KCNG3: variants seen among roughly 807,000 people sequenced by gnomAD.
KCNG3 encodes voltage-gated potassium channel regulatory subunit KCNG3.
KCNG3 carries 15 observed loss-of-function variants against 29.0 expected under a neutral mutation model. The observed-to-expected ratio is 0.52, with a 90% CI of 0.35 to 0.80. The LOEUF (loss-of-function observed/expected upper bound fraction) is 0.80. Among genes scored for constraint, KCNG3 ranks in the 30% least tolerant of loss-of-function variants. The pLI is 0.01. For synonymous variants in KCNG3, 322 were observed against 248.9 expected (o/e 1.29, Z -2.76); for missense variants, 512 against 605.7 (o/e 0.85, Z 1.62).
chr2:42,425,949 T>C, the KCNG3 span, among the ~76,000 whole-genome samples: 1 of 152,242 alleles, frequency 6.6e-6, no homozygotes, highest in Non-Finnish European at 1.5e-5. Context: ...ACGCAATAGA[T>C]AGTAGCATGT....
At chr2:42,455,201 G>C (rs577400231) in intron 1 of KCNG3, among the ~76,000 whole-genome samples, 8 of 152,022 alleles carry the variant, frequency 5.3e-5, no homozygotes, top group Non-Finnish European at 1.2e-4. Context: ...TGTTGCTCAG[G>C]CTGGTCTCAA....
intron 1 of KCNG3, among the ~76,000 whole-genome samples, chr2:42,467,626 C>T (rs1673173142): frequency 1.3e-5 from 2 of 151,432 alleles, no homozygotes; most frequent in African/African-American, 4.9e-5. Flanking sequence ...TGAGATCATG[C>T]CACTGCACTC....
In KCNG3 at chr2:42,474,034, C is replaced by G. The variant is rs559512087; in HGVS notation, c.665+18803G>C. ...GGGTGTGGTGGTACACACCTGCAGT[C>G]CCAGCTACTTGGGAGGCTGAGGCAG... On this transcript the variant is annotated intron_variant, in intron 1 of 1. Coordinates refer to ENST00000306078, the MANE Select transcript of KCNG3 (RefSeq NM_133329.6). Among the ~76,000 whole-genome samples, 23 of 151,712 alleles carry G rather than the reference C, an allele frequency of 1.5e-4. No homozygotes were observed. The East Asian group carries it at 3.3e-3, about 22-fold the overall frequency.
At chr2:42,403,445 T>C in the KCNG3 span, among the ~76,000 whole-genome samples, 1 of 149,818 alleles carries the variant, frequency 6.7e-6, no homozygotes, top group East Asian at 2.0e-4. Flanking sequence ...ACCTGGCTTA[T>C]TGTTTCTGTT....
At chr2:42,419,426 G>C in the KCNG3 span, among the ~76,000 whole-genome samples, 8 of 151,668 alleles carry the variant, frequency 5.3e-5, no homozygotes, top group African/African-American at 1.9e-4. Context: ...TTTAGTTAAA[G>C]AGATGGGGTT....
At chr2:42,401,537 G>A in the KCNG3 span, among the ~76,000 whole-genome samples, 3 of 151,950 alleles carry the variant, frequency 2.0e-5, no homozygotes, top group Non-Finnish European at 4.4e-5. Context: ...AACCTCCTGG[G>A]CTCAAGCGAT....
intron 1 of KCNG3, among the ~76,000 whole-genome samples, chr2:42,489,336 G>A (rs1673814565): frequency 6.6e-6 from 1 of 152,098 alleles, no homozygotes. Context: ...GCTGCAGTGG[G>A]CTTGATCGCA....
At chr2:42,414,065 T>A in the KCNG3 span, among the ~76,000 whole-genome samples, 1 of 152,242 alleles carries the variant, frequency 6.6e-6, no homozygotes, top group Admixed American at 6.5e-5. Context: ...AATGTAATTA[T>A]CAGCTTGCCT....
intron 1 of KCNG3, among the ~76,000 whole-genome samples, chr2:42,474,785 T>G (rs546690012): frequency 6.6e-6 from 1 of 152,324 alleles, no homozygotes. Flanking sequence ...AAATTTTTGT[T>G]GTAAAACAAA....
chr2:42,433,283 ATGG>A, the KCNG3 span, among the ~76,000 whole-genome samples: 3 of 152,358 alleles, frequency 2.0e-5, no homozygotes, highest in South Asian at 6.2e-4. Flanking sequence ...AACAAGTATG[ATGG>A]TTAATTTTAG....
At chr2:42,465,477 A>G (rs1673120437) in intron 1 of KCNG3, among the ~76,000 whole-genome samples, 1 of 152,158 alleles carries the variant, frequency 6.6e-6, no homozygotes, top group South Asian at 2.1e-4. Context: ...TCAGCCTCCC[A>G]AAGTGCTAGT....
downstream of KCNG3, among the ~76,000 whole-genome samples, chr2:42,440,964 A>C (rs537825345): frequency 6.6e-5 from 10 of 152,312 alleles, no homozygotes; most frequent in Admixed American, 1.3e-4. Flanking sequence ...ATTTAGGATA[A>C]TGTCTGACTT....
intron 1 of KCNG3, among the ~76,000 whole-genome samples, chr2:42,449,014 G>A (rs999923248): frequency 4.6e-5 from 7 of 151,838 alleles, no homozygotes; most frequent in Admixed American, 3.9e-4. Context: ...TGCTTATACA[G>A]ACAGCCAACT....
chr2:42,415,471 AT>A, the KCNG3 span: 3 of 152,190 alleles, frequency 2.0e-5, no homozygotes, highest in African/African-American at 7.2e-5. Context: ...CTGACCCAGA[AT>A]GGCAACATAC....
chr2:42,492,776 T>C lies in KCNG3; in HGVS notation c.665+61A>G, dbSNP rs1484493527. The C allele has an allele frequency of 3.7e-6, 5 of 1,358,878 alleles. No individual in the cohort carries two copies. The African/African-American group carries it at 6.1e-5, about 17-fold the overall frequency. 84.2% of individuals were successfully genotyped at this position (1,358,878 alleles called of 1,614,324 possible). A position where few individuals can be genotyped will look rare whatever the true frequency, so the allele number is the denominator to read the frequency against. ...GCGGACAGGACGGAGACGGGACGTATGGACGGGACGGACAGACGCGACAGG... is the reference window on the plus strand; with the variant it reads ...GCGGACAGGACGGAGACGGGACGTACGGACGGGACGGACAGACGCGACAGG... On this transcript the variant is annotated intron_variant, in intron 1 of 1. Coordinates refer to ENST00000306078, the MANE Select transcript of KCNG3 (RefSeq NM_133329.6).
the KCNG3 span, among the ~76,000 whole-genome samples, chr2:42,416,112 G>A: frequency 1.3e-5 from 2 of 152,126 alleles, no homozygotes; most frequent in Middle Eastern, 3.4e-3. Flanking sequence ...TTGGGAGGCT[G>A]AGGCACGAGA....
chr2:42,437,746 C>T (rs866536930), downstream of KCNG3, among the ~76,000 whole-genome samples: 11 of 151,724 alleles, frequency 7.3e-5, no homozygotes, highest in South Asian at 4.2e-4. Flanking sequence ...GAGACCAGCC[C>T]GGCCAACATG....
chr2:42,393,959 T>G, the KCNG3 span, among the ~76,000 whole-genome samples: 1 of 152,030 alleles, frequency 6.6e-6, no homozygotes, highest in East Asian at 1.9e-4. Flanking sequence ...TTTTGTACTT[T>G]TAGTAGAGAT....
the KCNG3 span, among the ~76,000 whole-genome samples, chr2:42,404,968 T>G: frequency 6.6e-6 from 1 of 152,164 alleles, no homozygotes; most frequent in African/African-American, 2.4e-5. Flanking sequence ...GACTCTGAGT[T>G]TGGCAGCAAA....
Sources: allele counts gnomAD v4.1 joint callset (sites outside exome capture counted in the v4.1 genomes callset), GRCh38; gene constraint gnomAD v4.1.1; transcripts MANE v1.5; gene names NCBI Gene and HGNC (gene_info 2026-07-23, HGNC 2026-07-21).